The following SLFN5 variants were observed in gnomAD, a reference collection of about 807,000 sequenced individuals.
SLFN5 encodes the protein schlafen family member 5.
SLFN5 carries 34 observed loss-of-function variants against 48.5 expected under a neutral mutation model. The ratio of observed to expected loss-of-function variants is 0.70; its 90% CI spans 0.53 to 0.93. The LOEUF is 0.93. Ranked by LOEUF, SLFN5 falls within the 40% of genes least tolerant of loss-of-function variation. The pLI is 0.00. For synonymous variants in SLFN5, 387 were observed against 396.2 expected, an observed-to-expected ratio of 0.98 and a Z score of 0.28; for missense variants, 1,006 against 1,071.3, an observed-to-expected ratio of 0.94 and a Z score of 0.85.
In SLFN5 at chr17:35,258,000, T is replaced by G. The variant is rs532572012; in HGVS notation, c.-40-651T>G. On this transcript the variant is annotated intron_variant, in intron 1 of 4. Coordinates refer to ENST00000299977, the MANE Select transcript of SLFN5 (RefSeq NM_144975.4). Reference sequence around the variant, plus strand: ...CAAATATCAATGTAAAATTTTCTATTTTCTGCAGGTGACCTGCGAGACTCT... The same window carrying G: ...CAAATATCAATGTAAAATTTTCTATGTTCTGCAGGTGACCTGCGAGACTCT... Among the ~76,000 whole-genome samples the G allele has an allele frequency of 2.6e-5, 4 of 152,362 alleles. No homozygotes were observed. The South Asian group carries it at 8.3e-4, about 32-fold the overall frequency.
At chr17:35,254,797 A>T (rs2142693692) in intron 1 of SLFN5, among the ~76,000 whole-genome samples, 1 of 152,276 alleles carries the variant, frequency 6.6e-6, no homozygotes, top group South Asian at 2.1e-4. Flanking sequence ...CGGGTGGATC[A>T]CCTGAGGTCA....
chr17:35,265,573 G>A lies in SLFN5; in HGVS notation c.2361G>A (p.Pro787=), dbSNP rs763537436. 46 of 1,614,068 alleles carry A rather than the reference G, an allele frequency of 2.8e-5. No individual in the cohort carries two copies. In the South Asian group the frequency reaches 3.3e-4, roughly 12 times the overall value. The change falls in exon 5 of 5, where the codon CCG becomes CCA. Residue 787 remains proline, a synonymous_variant. Coordinates refer to ENST00000299977, the MANE Select transcript of SLFN5 (RefSeq NM_144975.4). ...CRFLLRNGYS[P]KDIAVLFTKA... is the part of the protein sequence containing the mutation. ...TTCTCTTGCGGAATGGTTATTCTCCGAAGGATATTGCTGTGCTTTTCACCA... is the reference window on the plus strand; with the variant it reads ...TTCTCTTGCGGAATGGTTATTCTCCAAAGGATATTGCTGTGCTTTTCACCA...
Position 35,265,175 on chromosome 17 carries a change from C to G in SLFN5, c.1963C>G (p.Arg655Gly), listed in dbSNP as rs117695297. The part of the protein sequence containing the change: ...HIIIDDAQNF[R>G]TEDGDWYGKA... ...TATCATTGATGACGCTCAGAATTTC[C>G]GTACTGAAGATGGGGACTGGTATGG... Residue 655 changes from arginine (R) to glycine (G), a missense_variant, in exon 5 of 5, where the codon CGT becomes GGT. Coordinates refer to ENST00000299977, the MANE Select transcript of SLFN5 (RefSeq NM_144975.4). The G allele has an allele frequency of 0.012, 20,054 of 1,613,880 alleles. 330 individuals carry two copies. The highest frequency in any genetic ancestry group is 0.065 in the East Asian group (2,934 of 44,862).
chr17:35,245,571 T>C (rs1226664723), intron 1 of SLFN5, among the ~76,000 whole-genome samples: 3 of 152,212 alleles, frequency 2.0e-5, no homozygotes, highest in African/African-American at 7.2e-5. Context: ...TTATGGCAAA[T>C]TGAATCATAT....
Position 35,259,132 on chromosome 17 carries a change from A to G in SLFN5, c.442A>G (p.Asn148Asp). 1 of 1,614,148 alleles carries G rather than the reference A, an allele frequency of 6.2e-7. No homozygotes were observed. Among genetic ancestry groups the G allele is most frequent in the Non-Finnish European group, 8.5e-7 (1 of 1,180,020 alleles). ...KCRTQTPTNI[N>D]VSNSLGPQAA... is the part of the protein sequence containing the mutation. ...CAGGACTCAGACTCCAACGAATATT[A>G]ATGTTTCCAATTCATTAGGTCCACA... Residue 148 changes from asparagine to aspartate, a missense_variant, in exon 2 of 5, where the codon AAT (asparagine) becomes GAT (aspartate). Transcript: ENST00000299977.
rs779516181 is a variant in SLFN5 at position 35,261,100 on chromosome 17, A to G, written c.1138+4A>G. ...CAGCAGAAACGCTACTTTCCAGGTA[A>G]TTGGCCATCTCTGGTTGCTTTGGAA... On this transcript the variant is annotated splice_donor_region_variant and intron_variant, in intron 3 of 4. Coordinates refer to ENST00000299977, the MANE Select transcript of SLFN5 (RefSeq NM_144975.4). 2 of 1,612,520 alleles carry G rather than the reference A, an allele frequency of 1.2e-6. No homozygotes were observed. Among genetic ancestry groups the G allele is most frequent in the Non-Finnish European group, 1.7e-6 (2 of 1,179,020 alleles).
At chr17:35,262,379 CAAA>C (rs559686060) in intron 3 of SLFN5, among the ~76,000 whole-genome samples, 4 of 51,252 alleles carry the variant, frequency 7.8e-5, no homozygotes, top group Admixed American at 2.2e-4. Context: ...GACTCCATCT[CAAA>C]AAAAAAAAAA....
chr17:35,252,841 G>A (rs2092445443), intron 1 of SLFN5, among the ~76,000 whole-genome samples: 1 of 151,790 alleles, frequency 6.6e-6, no homozygotes, highest in Non-Finnish European at 1.5e-5. Flanking sequence ...GAAACCAATG[G>A]CCTCAGCCTC....
intron 1 of SLFN5, 46 bp from the exon 2 acceptor site, chr17:35,258,605 T>G: frequency 6.7e-7 from 1 of 1,497,250 alleles, no homozygotes; most frequent in Non-Finnish European, 8.9e-7. Flanking sequence ...TTCCTGCCTC[T>G]CCTATTCTTG....
At chr17:35,256,070 G>T (rs1341156338) in intron 1 of SLFN5, among the ~76,000 whole-genome samples, 2 of 152,184 alleles carry the variant, frequency 1.3e-5, no homozygotes, top group African/African-American at 4.8e-5. Flanking sequence ...TCAAAATAGT[G>T]CATGTAGGCT....
chr17:35,261,263 A>G (rs1416280431), intron 3 of SLFN5, among the ~76,000 whole-genome samples, 167 bp downstream of exon 3: 1 of 152,228 alleles, frequency 6.6e-6, no homozygotes, highest in Non-Finnish European at 1.5e-5. Context: ...GAATAATTGT[A>G]TCATTGGGGT....
Position 35,258,893 on chromosome 17 carries a change from A to G in SLFN5, c.203A>G (p.Asn68Ser), listed in dbSNP as rs761790779. ...GCTGAGATTGAGAACAAAGGCTACA[A>G]TTATGAACGTCATGGAGTAGGATTG... ...IKAEIENKGY[N>S]YERHGVGLDV... Residue 68 changes from asparagine to serine, a missense_variant, in exon 2 of 5, where the codon AAT becomes AGT. Coordinates refer to ENST00000299977, the MANE Select transcript of SLFN5 (RefSeq NM_144975.4). 1.9e-6 allele frequency: 3 copies of G among 1,614,118 alleles called. No homozygotes were observed. Among genetic ancestry groups the G allele is most frequent in the East Asian group, 2.2e-5 (1 of 44,908 alleles).
chr17:35,248,383 A>G lies in SLFN5; in HGVS notation c.-41+5240A>G, dbSNP rs1192923992. Among the ~76,000 whole-genome samples, 3 of 152,158 alleles carry G rather than the reference A, an allele frequency of 2.0e-5. No individual in the cohort carries two copies. In the East Asian group the frequency reaches 5.8e-4, roughly 29 times the overall value. ...TTAAAAGATTCTTTGCCCAAAACCA[A>G]TGGGAAATTTGACACACTTAAACAA... On this transcript the variant is annotated intron_variant, in intron 1 of 4. Coordinates refer to ENST00000299977, the MANE Select transcript of SLFN5 (RefSeq NM_144975.4).
Position 35,266,614 on chromosome 17 carries a change from G to A in SLFN5, c.*726G>A, listed in dbSNP as rs1904705901. On this transcript the variant is annotated 3_prime_UTR_variant, in exon 5 of 5. Transcript: ENST00000299977. ...TTTTTATTCTTATGGAGCGTCTTAG[G>A]TTACTACATGAAGGTAAGACTGCCA... 6.6e-6 allele frequency: 1 copy of A among 152,054 alleles called. No individual in the cohort carries two copies. Among genetic ancestry groups the A allele is most frequent in the Non-Finnish European group, 1.5e-5 (1 of 68,040 alleles). 9.4% of individuals were successfully genotyped at this position (152,054 alleles called of 1,614,324 possible).
rs746742608 is a variant in SLFN5 at position 35,259,294 on chromosome 17, A to G, written c.604A>G (p.Thr202Ala). 76 of 1,614,182 alleles carry G rather than the reference A, an allele frequency of 4.7e-5. No individual in the cohort carries two copies. Among genetic ancestry groups the G allele is most frequent in the Non-Finnish European group, 6.4e-5 (76 of 1,180,048 alleles). ...ACATGTTGAATTTGTAATGTTCTCG[A>G]CAGACGTGTCACACTGTGTTAAAGA... ...STHVEFVMFSTDVSHCVKDRL... is the reference protein window; with the variant it reads ...STHVEFVMFSADVSHCVKDRL... Residue 202 changes from threonine (T) to alanine (A), a missense_variant, in exon 2 of 5, where the codon ACA becomes GCA. Physicochemically the swap from Thr to Ala is moderately conservative, Grantham distance 58. Coordinates refer to ENST00000299977, the MANE Select transcript of SLFN5 (RefSeq NM_144975.4).
chr17:35,265,681 T>C lies in SLFN5; in HGVS notation c.2469T>C (p.Ser823=), dbSNP rs1904660984. 6.2e-7 allele frequency: 1 copy of C among 1,614,086 alleles called. No individual in the cohort carries two copies. Among genetic ancestry groups the C allele is most frequent in the Admixed American group, 1.7e-5 (1 of 60,006 alleles). Residue 823 remains serine, a synonymous_variant, in exon 5 of 5, where the codon TCT becomes TCC. Coordinates refer to ENST00000299977, the MANE Select transcript of SLFN5 (RefSeq NM_144975.4). ...KRKLSQLHEE[S]DLLLQIGDAS... The stretch of plus-strand genomic sequence containing the variant: ...AACTGTCTCAGCTCCATGAGGAGTC[T>C]GATCTGTTACTACAGATCGGTGATG...
rs973786565 is a variant in SLFN5, at chr17:35,273,332, T to G, written c.*7444T>G. On this transcript the variant is annotated 3_prime_UTR_variant, in exon 5 of 5. Coordinates refer to ENST00000299977, the MANE Select transcript of SLFN5 (RefSeq NM_144975.4). ...AGGGAAGAACAGATGGGTGCCAGAGTGAAAAAAAGATAGCTTTTGCTTTTT... is the reference window on the plus strand; with the variant it reads ...AGGGAAGAACAGATGGGTGCCAGAGGGAAAAAAAGATAGCTTTTGCTTTTT... The G allele has an allele frequency of 6.6e-6, 1 of 152,150 alleles. No individual in the cohort carries two copies. Among genetic ancestry groups the G allele is most frequent in the African/African-American group, 2.4e-5 (1 of 41,440 alleles). The allele number at this position is 152,150 out of a possible 1,614,324, so 9.4% of individuals were successfully genotyped here. A position where few individuals can be genotyped will look rare whatever the true frequency, so the allele number is the denominator to read the frequency against.
rs1338022875 is a variant in SLFN5, at chr17:35,271,112, A to T, written c.*5224A>T. 6.6e-6 allele frequency: 1 copy of T among 152,154 alleles called. No homozygotes were observed. Among genetic ancestry groups the T allele is most frequent in the African/African-American group, 2.4e-5 (1 of 41,434 alleles). The allele number at this position is 152,154 out of a possible 1,614,324, so 9.4% of individuals were successfully genotyped here. A position where few individuals can be genotyped will look rare whatever the true frequency, so the allele number is the denominator to read the frequency against. ...TGTGGAAAAACAACATCAAACCTAG[A>T]CTTCTCTCCCCAAACTATCATTCAG... On this transcript the variant is annotated 3_prime_UTR_variant, in exon 5 of 5. Transcript: ENST00000299977.
rs994067188 is a variant in SLFN5 at position 35,265,929 on chromosome 17, C to T, written c.*41C>T. ...TAAGAAACAATTAAGTGGTTCTCAT[C>T]TCTAATTAACTGTGAAACCATTTAA... On this transcript the variant is annotated 3_prime_UTR_variant, in exon 5 of 5. Transcript: ENST00000299977. 1.1e-5 allele frequency: 17 copies of T among 1,519,588 alleles called. No homozygotes were observed. The highest frequency in any genetic ancestry group is 2.3e-5 in the East Asian group (1 of 44,232). 94.1% of individuals were successfully genotyped at this position (1,519,588 alleles called of 1,614,324 possible). A position where few individuals can be genotyped will look rare whatever the true frequency, so the allele number is the denominator to read the frequency against.
Sources: allele counts gnomAD v4.1 joint callset (sites outside exome capture counted in the v4.1 genomes callset), GRCh38; gene constraint gnomAD v4.1.1; transcripts MANE v1.5; gene names NCBI Gene and HGNC (gene_info 2026-07-23, HGNC 2026-07-21).